SYT9: variants seen among roughly 807,000 people sequenced by gnomAD.
The protein encoded by SYT9 is synaptotagmin-9.
SYT9 carries 22 observed loss-of-function variants against 48.4 expected under a neutral mutation model. That is an observed-to-expected ratio of 0.45 (90% confidence interval 0.32 to 0.65). The LOEUF is 0.65. Ranked by LOEUF, SYT9 falls within the 30% of genes least tolerant of loss-of-function variation. The pLI, the probability that SYT9 is intolerant of heterozygous loss-of-function variation, is 0.03. For missense variants in SYT9, 577 were observed against 622.0 expected (o/e 0.93, Z 0.77); for synonymous variants, 265 against 245.0 (o/e 1.08, Z -0.76).
chr11:7,286,610 A>G (rs183646566), intron 1 of SYT9, among the ~76,000 whole-genome samples: 4 of 152,256 alleles, frequency 2.6e-5, no homozygotes, highest in East Asian at 1.9e-4. Flanking sequence ...TTTCTTTTCT[A>G]TCATATTGTC....
chr11:7,385,269 C>T (rs1442187679), intron 3 of SYT9, among the ~76,000 whole-genome samples: 4 of 151,732 alleles, frequency 2.6e-5, no homozygotes, highest in Non-Finnish European at 5.9e-5. Context: ...TACTCTGGTA[C>T]AAATAATTGC....
At chr11:7,431,099 A>G (rs1847561704) in intron 6 of SYT9, among the ~76,000 whole-genome samples, 1 of 152,242 alleles carries the variant, frequency 6.6e-6, no homozygotes. Context: ...GGGACTGGTT[A>G]AATGGTTGTG....
chr11:7,460,353 T>C (rs1214048864), intron 6 of SYT9, among the ~76,000 whole-genome samples: 1 of 152,208 alleles, frequency 6.6e-6, no homozygotes, highest in African/African-American at 2.4e-5. Flanking sequence ...AGAAAAAAGA[T>C]ATAAATCTAG....
chr11:7,418,109 G>A lies in SYT9; in HGVS notation c.1318G>A (p.Ala440Thr). ...ENIDQIHLSI[A>T]VMDYDRVGHN... ...CATTGACCAAATCCACTTGTCCATA[G>A]CAGTCATGGACTATGACCGGTGAGA... The change falls in exon 5 of 7, where the codon GCA becomes ACA. Residue 440 changes from alanine to threonine, a missense_variant. Ala to Thr is a moderately conservative substitution (Grantham distance 58, BLOSUM62 0). Coordinates refer to ENST00000318881, the MANE Select transcript of SYT9 (RefSeq NM_175733.4). The A allele has an allele frequency of 1.2e-6, 2 of 1,613,926 alleles. No individual in the cohort carries two copies. Among genetic ancestry groups the A allele is most frequent in the Non-Finnish European group, 1.7e-6 (2 of 1,179,946 alleles).
At chr11:7,241,307 A>G (rs1589881282) in intron 1 of SYT9, among the ~76,000 whole-genome samples, 1 of 152,106 alleles carries the variant, frequency 6.6e-6, no homozygotes, top group Non-Finnish European at 1.5e-5. Context: ...GAAAAATGAT[A>G]ACAGAGAAAC....
At chr11:7,277,613 T>C (rs1848421459) in intron 1 of SYT9, among the ~76,000 whole-genome samples, 1 of 152,240 alleles carries the variant, frequency 6.6e-6, no homozygotes, top group African/African-American at 2.4e-5. Context: ...TTATAAAGTG[T>C]ATTATGTTAG....
intron 1 of SYT9, among the ~76,000 whole-genome samples, chr11:7,245,483 G>C (rs1202045976): frequency 6.6e-6 from 1 of 151,300 alleles, no homozygotes. Context: ...ACCCACCAAA[G>C]GCTTTTTTCG....
chr11:7,410,648 A>G (rs2134088849), intron 3 of SYT9, among the ~76,000 whole-genome samples: 1 of 152,212 alleles, frequency 6.6e-6, no homozygotes. Flanking sequence ...AGTCTGTTTG[A>G]TCTGATCTAA....
intron 3 of SYT9, among the ~76,000 whole-genome samples, chr11:7,348,975 G>T (rs759195813): frequency 1.8e-4 from 28 of 151,938 alleles, no homozygotes; most frequent in Admixed American, 6.6e-4. Flanking sequence ...CGGGCTGGGG[G>T]TGGGAAGATG....
rs1315855065 is a variant in SYT9 at position 7,407,616 on chromosome 11, A to G, written c.1045-8426A>G. Among the ~76,000 whole-genome samples, 6 of 52,508 alleles carry G rather than the reference A, an allele frequency of 1.1e-4. 2 individuals carry two copies. Among genetic ancestry groups the G allele is most frequent in the Non-Finnish European group, 2.2e-4 (6 of 26,988 alleles). 34.4% of individuals were successfully genotyped at this position (52,508 alleles called of 152,430 possible). A position where few individuals can be genotyped will look rare whatever the true frequency, so the allele number is the denominator to read the frequency against. On this transcript the variant is annotated intron_variant, in intron 3 of 6. Transcript: ENST00000318881. ...AGGATGGTCTCGATCTCCTGACCTC[A>G]TGATCCACCCGCCTCGGCCTCCCAA...
intron 1 of SYT9, among the ~76,000 whole-genome samples, chr11:7,241,634 T>C (rs1242197296): frequency 6.6e-6 from 1 of 152,206 alleles, no homozygotes; most frequent in East Asian, 1.9e-4. Context: ...GATTGATTGA[T>C]TAGTCAAGTG....
chr11:7,403,692 A>G (rs1482301258), intron 3 of SYT9, among the ~76,000 whole-genome samples: 6 of 152,086 alleles, frequency 3.9e-5, no homozygotes, highest in Non-Finnish European at 8.8e-5. Flanking sequence ...TATGATTGAA[A>G]TTCTCAAATT....
At chr11:7,349,177 C>T (rs763576957) in intron 3 of SYT9, among the ~76,000 whole-genome samples, 11 of 151,720 alleles carry the variant, frequency 7.3e-5, no homozygotes, top group African/African-American at 2.4e-4. Flanking sequence ...AAGAACTCCA[C>T]GAGCATTGCC....
intron 6 of SYT9, among the ~76,000 whole-genome samples, chr11:7,432,582 A>AAAAATAT (rs1847619483): frequency 2.8e-4 from 1 of 3,512 alleles, no homozygotes; most frequent in Non-Finnish European, 5.6e-4. Context: ...AAAAAAAAAA[A>AAAAATAT]ATATATATAC....
intron 3 of SYT9, among the ~76,000 whole-genome samples, chr11:7,400,614 C>G (rs1424578876): frequency 6.6e-6 from 1 of 152,156 alleles, no homozygotes; most frequent in Non-Finnish European, 1.5e-5. Flanking sequence ...GAAGCACTCA[C>G]TAGAGCAGCA....
intron 3 of SYT9, among the ~76,000 whole-genome samples, chr11:7,383,225 A>T (rs1318602424): frequency 1.3e-5 from 2 of 152,142 alleles, no homozygotes; most frequent in Non-Finnish European, 2.9e-5. Flanking sequence ...TACAATTAAG[A>T]TTTCCTCTCC....
At chr11:7,301,908 G>C (rs1310793601) in intron 1 of SYT9, among the ~76,000 whole-genome samples, 4 of 152,174 alleles carry the variant, frequency 2.6e-5, no homozygotes, top group African/African-American at 9.7e-5. Context: ...AAGCCTGGAG[G>C]GGGTGAAATG....
chr11:7,367,686 CTT>C (rs1850278927), intron 3 of SYT9, among the ~76,000 whole-genome samples: 1 of 151,978 alleles, frequency 6.6e-6, no homozygotes, highest in Non-Finnish European at 1.5e-5. Flanking sequence ...TTTAAGATCT[CTT>C]TGAAATTAAA....
chr11:7,246,444 A>G (rs1317031540), intron 1 of SYT9, among the ~76,000 whole-genome samples: 4 of 152,226 alleles, frequency 2.6e-5, no homozygotes, highest in Admixed American at 6.5e-5. Context: ...TATTTGTTCA[A>G]TGAATGAAAG....
Sources: gnomAD v4.1 joint callset for allele counts (sites outside exome capture counted in the v4.1 genomes callset) on GRCh38, gnomAD v4.1.1 for gene constraint, MANE v1.5 for transcripts, NCBI Gene and HGNC (gene_info 2026-07-23, HGNC 2026-07-21) for gene names.